Variants in GULP1 observed in about 807,000 individuals in gnomAD.
GULP1 encodes PTB domain-containing engulfment adapter protein 1.
GULP1 carries 19 observed loss-of-function variants against 40.9 expected under a neutral mutation model. The ratio of observed to expected loss-of-function variants is 0.46; its 90% CI spans 0.32 to 0.68. GULP1 has a LOEUF of 0.68. GULP1 is among the 30% of genes least tolerant of loss of function. The probability of loss-of-function intolerance (pLI) is 0.03; values close to 1 mark genes in which losing one functional copy is unlikely to be tolerated. For missense variants in GULP1, 312 were observed against 362.2 expected, an observed-to-expected ratio of 0.86 and a Z score of 1.12; for synonymous variants, 119 against 117.6, an observed-to-expected ratio of 1.01 and a Z score of -0.08.
At chr2:188,519,935 G>A (rs1162905256) in intron 4 of GULP1, among the ~76,000 whole-genome samples, 1 of 152,048 alleles carries the variant, frequency 6.6e-6, no homozygotes, top group East Asian at 1.9e-4. Context: ...GCATATTAAA[G>A]CACCATATCG....
chr2:188,468,053 C>T (rs1383118478), intron 2 of GULP1, among the ~76,000 whole-genome samples: 1 of 152,098 alleles, frequency 6.6e-6, no homozygotes, highest in Admixed American at 6.5e-5. Context: ...TGCTTGACTT[C>T]AATGAAACTT....
Position 188,305,058 on chromosome 2 carries a change from G to A in GULP1, c.-172+12892G>A, listed in dbSNP as rs76260819. Among the ~76,000 whole-genome samples, 15 of 152,182 alleles carry A rather than the reference G, an allele frequency of 9.9e-5. No homozygotes were observed. In the East Asian group the frequency reaches 2.3e-3, roughly 24 times the overall value. Reference sequence around the variant, plus strand: ...CCCCTCCAACACTTGTTGGAAGTCCGGGCCTCTGTAACTTCTGACCCACTG... The same window carrying A: ...CCCCTCCAACACTTGTTGGAAGTCCAGGCCTCTGTAACTTCTGACCCACTG... On this transcript the variant is annotated intron_variant, in intron 1 of 11. Transcript: ENST00000409830.
rs79229851 is a variant in GULP1 at position 188,323,783 on chromosome 2, G to A, written c.-172+31617G>A. Reference sequence around the variant, plus strand: ...GTTTTGTATGTGCTCATTAAATGTAGTCATTTAGAACTATTATAGCTGTGG... The same window carrying A: ...GTTTTGTATGTGCTCATTAAATGTAATCATTTAGAACTATTATAGCTGTGG... On this transcript the variant is annotated intron_variant, in intron 1 of 11. Coordinates refer to ENST00000409830, the MANE Select transcript of GULP1 (RefSeq NM_016315.4). 5.6e-3 allele frequency among the ~76,000 whole-genome samples: 848 copies of A among 150,890 alleles called. 4 individuals carry two copies. Among genetic ancestry groups the A allele is most frequent in the Non-Finnish European group, 8.1e-3 (547 of 67,692 alleles).
intron 1 of GULP1, among the ~76,000 whole-genome samples, chr2:188,381,115 A>C (rs1559172663): frequency 6.6e-6 from 1 of 152,154 alleles, no homozygotes; most frequent in Non-Finnish European, 1.5e-5. Flanking sequence ...TGTTCAAAAG[A>C]GCAGCCCCTA....
intron 2 of GULP1, among the ~76,000 whole-genome samples, chr2:188,435,207 C>T (rs1405339950): frequency 1.3e-5 from 2 of 151,966 alleles, no homozygotes; most frequent in African/African-American, 4.8e-5. Flanking sequence ...AAGACTTAGT[C>T]CTGAAAGGTA....
At chr2:188,441,007 C>T (rs1244847609) in intron 2 of GULP1, among the ~76,000 whole-genome samples, 1 of 152,094 alleles carries the variant, frequency 6.6e-6, no homozygotes, top group Non-Finnish European at 1.5e-5. Context: ...TGGTCCCTAT[C>T]CTAGTTTGGT....
chr2:188,508,659 C>T (rs1225440363), intron 4 of GULP1, among the ~76,000 whole-genome samples: 1 of 151,888 alleles, frequency 6.6e-6, no homozygotes, highest in Non-Finnish European at 1.5e-5. Context: ...AGCTTCCCAG[C>T]AGATTCCTTT....
At chr2:188,490,241 T>G (rs543978928) in intron 4 of GULP1, among the ~76,000 whole-genome samples, 7 of 152,152 alleles carry the variant, frequency 4.6e-5, no homozygotes, top group Non-Finnish European at 1.0e-4. Flanking sequence ...TTGTGATTTG[T>G]TTAAGCTTAC....
chr2:188,366,227 AAAAAC>A (rs957818189), intron 1 of GULP1, among the ~76,000 whole-genome samples: 7 of 152,160 alleles, frequency 4.6e-5, no homozygotes, highest in African/African-American at 1.2e-4. Flanking sequence ...CTGAGATTTG[AAAAAC>A]AAAACAAAGC....
chr2:188,482,383 A>G (rs1182333474), intron 3 of GULP1, among the ~76,000 whole-genome samples: 2 of 151,948 alleles, frequency 1.3e-5, no homozygotes, highest in Non-Finnish European at 2.9e-5. Context: ...GTAATACAAT[A>G]TTTCCTTCCA....
intron 2 of GULP1, among the ~76,000 whole-genome samples, chr2:188,419,413 A>G (rs1193462939): frequency 6.6e-6 from 1 of 151,940 alleles, no homozygotes; most frequent in Non-Finnish European, 1.5e-5. Context: ...GTGTGAGGTG[A>G]TATCTCGTGG....
chr2:188,536,113 A>C (rs1688872907), intron 6 of GULP1, among the ~76,000 whole-genome samples: 1 of 152,010 alleles, frequency 6.6e-6, no homozygotes, highest in Non-Finnish European at 1.5e-5. Flanking sequence ...TTGGATGCAT[A>C]GTTTGCAAAT....
In GULP1 at chr2:188,381,169, T is replaced by C. The variant is rs13429291; in HGVS notation, c.-171-2594T>C. On this transcript the variant is annotated intron_variant, in intron 1 of 11. Transcript: ENST00000409830. Reference sequence around the variant, plus strand: ...AAGAATATTCAAAGTGCTCTTTCTATGAAAAATCTAATCATATCAGACATA... The same window carrying C: ...AAGAATATTCAAAGTGCTCTTTCTACGAAAAATCTAATCATATCAGACATA... Among the ~76,000 whole-genome samples the C allele has an allele frequency of 2.0e-3, 307 of 152,270 alleles. 1 individual carries two copies. The highest frequency in any genetic ancestry group is 7.1e-3 in the African/African-American group (294 of 41,574).
At chr2:188,593,857 CT>C (rs1704068158) in intron 11 of GULP1, 82 bp from the exon 12 acceptor site, 2 of 778,960 alleles carry the variant, frequency 2.6e-6, no homozygotes, top group Non-Finnish European at 4.4e-6. Context: ...AATATTTCAA[CT>C]TTAGTGCATA....
chr2:188,338,919 GT>G (rs2042628497), intron 1 of GULP1, among the ~76,000 whole-genome samples: 2 of 152,254 alleles, frequency 1.3e-5, no homozygotes, highest in Admixed American at 1.3e-4. Context: ...ACTACTGACA[GT>G]TTTATTTCCT....
At chr2:188,439,689 G>A (rs2057747409) in intron 2 of GULP1, among the ~76,000 whole-genome samples, 1 of 152,126 alleles carries the variant, frequency 6.6e-6, no homozygotes, top group Admixed American at 6.5e-5. Context: ...GTAACTGGGA[G>A]ATGTGGTGAG....
intron 2 of GULP1, among the ~76,000 whole-genome samples, chr2:188,430,589 C>T (rs1017146859): frequency 1.3e-5 from 2 of 152,112 alleles, no homozygotes; most frequent in African/African-American, 4.8e-5. Context: ...GAAAACAATA[C>T]CCCACAATGG....
At chr2:188,305,773 A>C (rs1312551378) in intron 1 of GULP1, among the ~76,000 whole-genome samples, 2 of 109,748 alleles carry the variant, frequency 1.8e-5, no homozygotes, top group African/African-American at 7.1e-5. Context: ...TCTTCTTTTT[A>C]AAAAGATTTT....
chr2:188,359,653 G>A (rs1462001189), intron 1 of GULP1, among the ~76,000 whole-genome samples: 1 of 152,086 alleles, frequency 6.6e-6, no homozygotes, highest in Non-Finnish European at 1.5e-5. Context: ...AAATATAAGA[G>A]CAAGATGAAC....
Sources: allele counts gnomAD v4.1 joint callset (sites outside exome capture counted in the v4.1 genomes callset), GRCh38; gene constraint gnomAD v4.1.1; transcripts MANE v1.5; gene names NCBI Gene and HGNC (gene_info 2026-07-23, HGNC 2026-07-21).